Variants in EHBP1 observed in about 807,000 individuals in gnomAD.
EHBP1 encodes EH domain binding protein 1, also known as EH domain-binding protein 1.
A neutral mutation model predicts 144.0 loss-of-function variants in EHBP1; 55 were observed. The ratio of observed to expected loss-of-function variants is 0.38; its 90% confidence interval spans 0.31 to 0.48. The LOEUF is 0.48. EHBP1 is among the 20% of genes least tolerant of loss of function. EHBP1 has a pLI of 0.98. For synonymous variants in EHBP1, 469 were observed against 472.7 expected, an observed-to-expected ratio of 0.99 and a Z score of 0.10; for missense variants, 1,200 against 1,364.2, an observed-to-expected ratio of 0.88 and a Z score of 1.90.
intron 10 of EHBP1, among the ~76,000 whole-genome samples, chr2:62,920,958 T>A (rs1354051552): frequency 6.6e-6 from 1 of 152,026 alleles, no homozygotes. Context: ...CATGAGCCAC[T>A]GCGCCTGGCC....
chr2:63,044,790 T>G (rs2061867959), intron 21 of EHBP1: 1 of 266,408 alleles, frequency 3.8e-6, no homozygotes, highest in Admixed American at 4.8e-5. Context: ...TGGATTCAGG[T>G]GCGCACCTCA....
intron 5 of EHBP1, among the ~76,000 whole-genome samples, chr2:62,821,041 C>T (rs1421385070): frequency 6.6e-6 from 1 of 151,078 alleles, no homozygotes; most frequent in Non-Finnish European, 1.5e-5. Context: ...ATATTAATGC[C>T]ATTAGTTTAA....
chr2:62,780,617 T>C (rs372016671), intron 5 of EHBP1, among the ~76,000 whole-genome samples: 1 of 152,188 alleles, frequency 6.6e-6, no homozygotes, highest in African/African-American at 2.4e-5. Context: ...GGAGAAACTT[T>C]TGTTGCACTT....
chr2:62,745,509 T>G (rs72888933), intron 2 of EHBP1, among the ~76,000 whole-genome samples: 2,833 of 151,996 alleles, frequency 0.019, 86 homozygotes, highest in African/African-American at 0.063. Context: ...GTGTGTGTGT[T>G]TTTTTAAACA....
chr2:62,864,662 A>G, intron 8 of EHBP1, 69 bp from the exon 9 acceptor site: 2 of 1,449,364 alleles, frequency 1.4e-6, no homozygotes, highest in Non-Finnish European at 1.9e-6. Flanking sequence ...ATATTTGAGA[A>G]CACTAAACAA....
intron 6 of EHBP1, among the ~76,000 whole-genome samples, chr2:62,827,536 T>A (rs923275581): frequency 1.3e-5 from 2 of 152,166 alleles, no homozygotes; most frequent in Non-Finnish European, 2.9e-5. Context: ...CAATTTGAAT[T>A]GAAAAGGAAT....
intron 10 of EHBP1, among the ~76,000 whole-genome samples, chr2:62,889,132 C>G (rs1482989405): frequency 7.7e-6 from 1 of 130,220 alleles, no homozygotes; most frequent in Non-Finnish European, 1.6e-5. Flanking sequence ...GGGGCAATCT[C>G]AGCTCACTGC....
At chr2:63,006,359 T>C (rs1275476056) in intron 19 of EHBP1, among the ~76,000 whole-genome samples, 1 of 152,046 alleles carries the variant, frequency 6.6e-6, no homozygotes, top group Non-Finnish European at 1.5e-5. Context: ...TCTCTCAGTT[T>C]GTCAGATAAA....
chr2:62,897,498 C>G lies in EHBP1; in HGVS notation c.1185+22966C>G, dbSNP rs115111704. ...TGACTGTAATTTTGATAGTCATTGT[C>G]AAAAGGCCTTCCAAAGGGGTTGTAC... On this transcript the variant is annotated intron_variant, in intron 10 of 22. Transcript: ENST00000431489. Among the ~76,000 whole-genome samples the G allele has an allele frequency of 3.6e-3, 551 of 152,184 alleles. 1 individual carries two copies. The highest frequency in any genetic ancestry group is 4.8e-3 in the Non-Finnish European group (325 of 67,998).
intron 15 of EHBP1, among the ~76,000 whole-genome samples, chr2:62,980,745 A>G (rs1011508907): frequency 1.3e-5 from 2 of 151,764 alleles, no homozygotes; most frequent in African/African-American, 2.4e-5. Context: ...CTGGGAGGCC[A>G]AGGTGGGAGG....
At chr2:62,957,596 A>C (rs1413924136) in intron 14 of EHBP1, among the ~76,000 whole-genome samples, 1 of 151,716 alleles carries the variant, frequency 6.6e-6, no homozygotes, top group Non-Finnish European at 1.5e-5. Context: ...ATTCCCCCAA[A>C]ATTACAAGAT....
intron 21 of EHBP1, among the ~76,000 whole-genome samples, chr2:63,040,785 G>A: frequency 6.6e-6 from 1 of 152,226 alleles, no homozygotes; most frequent in Non-Finnish European, 1.5e-5. Flanking sequence ...AGCCTGGGCA[G>A]TACATGGGCT....
intron 7 of EHBP1, among the ~76,000 whole-genome samples, chr2:62,835,629 G>A (rs1044549789): frequency 7.2e-5 from 11 of 152,166 alleles, no homozygotes; most frequent in South Asian, 2.1e-4. Flanking sequence ...AGGCCAGTGG[G>A]TGCGCGCACC....
chr2:63,002,030 C>T (rs1025317734), intron 19 of EHBP1, among the ~76,000 whole-genome samples: 1 of 152,086 alleles, frequency 6.6e-6, no homozygotes, highest in African/African-American at 2.4e-5. Flanking sequence ...ATTTCTTTAC[C>T]CTGGTCATCA....
At chr2:62,917,798 G>A (rs1403593860) in intron 10 of EHBP1, among the ~76,000 whole-genome samples, 2 of 151,992 alleles carry the variant, frequency 1.3e-5, no homozygotes, top group Non-Finnish European at 2.9e-5. Context: ...CCAGCAAAAT[G>A]TATAGGAGCA....
In EHBP1 at chr2:62,826,161, A is replaced by C. The variant is rs1431086634; in HGVS notation, c.387A>C (p.Pro129=). The change falls in exon 6 of 23, where the codon CCA becomes CCC. Residue 129 remains proline, a synonymous_variant. Transcript: ENST00000431489. ...TGAAACAGTATGCAAGCCCTATGCC[A>C]ACTCAGACTGATGTCAAGTTAAAAT... ...INMKQYASPM[P]TQTDVKLKFK... 1.2e-6 allele frequency: 2 copies of C among 1,610,804 alleles called. No individual in the cohort carries two copies. Among genetic ancestry groups the C allele is most frequent in the South Asian group, 2.2e-5 (2 of 90,562 alleles).
chr2:62,885,896 A>G (rs191157597), intron 10 of EHBP1, among the ~76,000 whole-genome samples: 21 of 152,274 alleles, frequency 1.4e-4, no homozygotes, highest in Middle Eastern at 3.4e-3. Context: ...TGGAAACCCT[A>G]TCTGTATCTT....
chr2:63,024,310 C>T (rs917749003), intron 19 of EHBP1, among the ~76,000 whole-genome samples: 1 of 152,192 alleles, frequency 6.6e-6, no homozygotes, highest in Non-Finnish European at 1.5e-5. Context: ...CACAATTGCA[C>T]TGCCGCCTGG....
intron 9 of EHBP1, among the ~76,000 whole-genome samples, chr2:62,868,714 G>C (rs1247949119): frequency 6.6e-6 from 1 of 152,150 alleles, no homozygotes; most frequent in African/African-American, 2.4e-5. Context: ...TCAGGAGGCT[G>C]TGGTTGGAGG....
Sources: allele counts gnomAD v4.1 joint callset (sites outside exome capture counted in the v4.1 genomes callset), GRCh38; gene constraint gnomAD v4.1.1; transcripts MANE v1.5; gene names NCBI Gene and HGNC (gene_info 2026-07-23, HGNC 2026-07-21).